GRIP1: variants seen among roughly 807,000 people sequenced by gnomAD.
GRIP1 encodes the protein glutamate receptor interacting protein 1, also known as glutamate receptor-interacting protein 1.
In GRIP1, 45 loss-of-function variants were observed where a neutral mutation model predicts 129.9. The ratio of observed to expected loss-of-function variants is 0.35; its 90% confidence interval spans 0.27 to 0.44. The LOEUF (loss-of-function observed/expected upper bound fraction) is 0.44. Among genes scored for constraint, GRIP1 ranks in the 20% least tolerant of loss-of-function variants. GRIP1 has a pLI of 1.00. For missense variants in GRIP1, 1,196 were observed against 1,396.8 expected, an observed-to-expected ratio of 0.86 and a Z score of 2.29; for synonymous variants, 530 against 520.8, an observed-to-expected ratio of 1.02 and a Z score of -0.24.
chr12:66,432,682 C>A, intron 13 of GRIP1, 54 bp from the exon 14 acceptor site: 1 of 984,780 alleles, frequency 1.0e-6, no homozygotes, highest in Non-Finnish European at 1.6e-6. Flanking sequence ...ACTGGAGCAC[C>A]CATCAATAAA....
At chr12:66,489,799 A>G (rs566467600) in intron 7 of GRIP1, among the ~76,000 whole-genome samples, 1 of 152,322 alleles carries the variant, frequency 6.6e-6, no homozygotes, top group African/African-American at 2.4e-5. Flanking sequence ...TGCAAAAATT[A>G]CTAACATTCC....
intron 1 of GRIP1, among the ~76,000 whole-genome samples, chr12:66,777,546 A>G (rs1655918488): frequency 6.6e-6 from 1 of 152,164 alleles, no homozygotes; most frequent in Admixed American, 6.5e-5. Flanking sequence ...GATGTTTATC[A>G]TCTATCTCTT....
intron 1 of GRIP1, among the ~76,000 whole-genome samples, chr12:66,996,513 A>C (rs1170939073): frequency 6.6e-6 from 1 of 152,070 alleles, no homozygotes; most frequent in Non-Finnish European, 1.5e-5. Context: ...CCAGAGAATC[A>C]CCTCTTCTAC....
chr12:66,682,303 T>C (rs761808088), upstream of GRIP1, among the ~76,000 whole-genome samples: 37 of 152,160 alleles, frequency 2.4e-4, no homozygotes, highest in Non-Finnish European at 3.7e-4. Context: ...CAGGTGACAG[T>C]TAAGGCAAGT....
chr12:66,605,562 T>C (rs1473795708), intron 1 of GRIP1, among the ~76,000 whole-genome samples: 1 of 152,124 alleles, frequency 6.6e-6, no homozygotes, highest in Non-Finnish European at 1.5e-5. Context: ...TCCACATATA[T>C]CTGTGGGGCG....
At chr12:66,621,689 G>A (rs1409337559) in intron 1 of GRIP1, among the ~76,000 whole-genome samples, 1 of 152,096 alleles carries the variant, frequency 6.6e-6, no homozygotes, top group Non-Finnish European at 1.5e-5. Context: ...TTCCACAGCA[G>A]CTACACTATT....
At chr12:66,484,050 G>C (rs899113543) in intron 7 of GRIP1, among the ~76,000 whole-genome samples, 7 of 151,644 alleles carry the variant, frequency 4.6e-5, no homozygotes, top group African/African-American at 1.7e-4. Flanking sequence ...TAGTAGAGAC[G>C]GGGTTTCACC....
intron 1 of GRIP1, chr12:67,064,967 T>C (rs1408106981): frequency 1.4e-5 from 2 of 141,600 alleles, no homozygotes; most frequent in East Asian, 2.1e-4. Context: ...GTGTTCTCAT[T>C]GTTCAATTCC....
intron 19 of GRIP1, among the ~76,000 whole-genome samples, chr12:66,382,584 A>G (rs1393161566): frequency 6.6e-6 from 1 of 152,162 alleles, no homozygotes; most frequent in Non-Finnish European, 1.5e-5. Context: ...ACAGATGCCC[A>G]TTGTTACTAT....
intron 1 of GRIP1, among the ~76,000 whole-genome samples, chr12:66,649,851 G>A (rs993045360): frequency 2.6e-5 from 4 of 152,220 alleles, no homozygotes; most frequent in Non-Finnish European, 5.9e-5. Context: ...GAATATATCA[G>A]ATTTCCTTGG....
intron 1 of GRIP1, among the ~76,000 whole-genome samples, chr12:66,793,406 T>A (rs2038601522): frequency 6.6e-6 from 1 of 152,148 alleles, no homozygotes; most frequent in Non-Finnish European, 1.5e-5. Context: ...AGTCCAAGTA[T>A]GCTGTGAATT....
chr12:66,967,196 T>C (rs1438055001), intron 1 of GRIP1, among the ~76,000 whole-genome samples: 1 of 152,148 alleles, frequency 6.6e-6, no homozygotes, highest in Non-Finnish European at 1.5e-5. Flanking sequence ...AATTGACAAA[T>C]AATAACTGTA....
At chr12:66,848,159 A>C (rs185107263) in intron 1 of GRIP1, among the ~76,000 whole-genome samples, 1 of 152,086 alleles carries the variant, frequency 6.6e-6, no homozygotes, top group African/African-American at 2.4e-5. Context: ...AATAATCTTC[A>C]GTTCTTTCAT....
chr12:66,915,856 G>A lies in GRIP1; in HGVS notation c.58+153194C>T, dbSNP rs191301135. 1.2e-3 allele frequency among the ~76,000 whole-genome samples: 179 copies of A among 152,324 alleles called. 2 individuals carry two copies. The highest frequency in any genetic ancestry group is 4.1e-3 in the African/African-American group (172 of 41,578). ...GAAGAAAATATAGTTCTCCCTTCAGGTTGCTGAGCACCTATTAACACTCAG... is the reference window on the plus strand; with the variant it reads ...GAAGAAAATATAGTTCTCCCTTCAGATTGCTGAGCACCTATTAACACTCAG... On this transcript the variant is annotated intron_variant, in intron 1 of 1. Transcript: ENST00000643019.
At chr12:66,646,833 C>T (rs771411555) in intron 1 of GRIP1, among the ~76,000 whole-genome samples, 1 of 152,134 alleles carries the variant, frequency 6.6e-6, no homozygotes. Context: ...GAGGTGAGTG[C>T]TGAAAGGAGT....
intron 15 of GRIP1, among the ~76,000 whole-genome samples, chr12:66,409,477 C>T (rs1333198639): frequency 6.6e-6 from 1 of 152,210 alleles, no homozygotes; most frequent in Admixed American, 6.5e-5. Context: ...ACTTGGGGTG[C>T]CCCCTAATGG....
chr12:66,975,472 A>G (rs1322957352), intron 1 of GRIP1, among the ~76,000 whole-genome samples: 1 of 152,192 alleles, frequency 6.6e-6, no homozygotes, highest in Non-Finnish European at 1.5e-5. Flanking sequence ...GTGCGTGAGA[A>G]TTTTCAGGTT....
intron 13 of GRIP1, among the ~76,000 whole-genome samples, chr12:66,440,176 T>C (rs986511396): frequency 3.3e-5 from 5 of 152,174 alleles, no homozygotes; most frequent in African/African-American, 4.8e-5. Context: ...ATTATTTTAA[T>C]TTTTGTGGGT....
chr12:66,963,234 G>A (rs2137541623), intron 1 of GRIP1, among the ~76,000 whole-genome samples: 1 of 152,240 alleles, frequency 6.6e-6, no homozygotes, highest in Admixed American at 6.5e-5. Context: ...AGGATCACCT[G>A]AGCCCAGCAA....
Sources: allele counts gnomAD v4.1 joint callset (sites outside exome capture counted in the v4.1 genomes callset), GRCh38; gene constraint gnomAD v4.1.1; transcripts MANE v1.5; gene names NCBI Gene and HGNC (gene_info 2026-07-23, HGNC 2026-07-21).